ADTRP: variants seen among roughly 807,000 people sequenced by gnomAD.
The protein encoded by ADTRP is androgen dependent TFPI regulating protein.
In ADTRP, 20 loss-of-function variants were observed where a neutral mutation model predicts 27.0. That is an observed-to-expected ratio of 0.74 (90% CI 0.52 to 1.08). ADTRP has a LOEUF of 1.08. Among genes scored for constraint, ADTRP ranks in the 50% least tolerant of loss-of-function variants. The pLI is 0.00. For missense variants in ADTRP, 251 were observed against 275.0 expected, an observed-to-expected ratio of 0.91 and a Z score of 0.62; for synonymous variants, 101 against 105.2, an observed-to-expected ratio of 0.96 and a Z score of 0.25.
intron 5 of ADTRP, among the ~76,000 whole-genome samples, chr6:11,718,138 C>T (rs549491930): frequency 6.6e-6 from 1 of 152,236 alleles, no homozygotes; most frequent in Admixed American, 6.5e-5. Context: ...CCCAGCGCCA[C>T]TTGGCCAGGC....
At chr6:11,774,607 A>G (rs1284890806) in intron 1 of ADTRP, among the ~76,000 whole-genome samples, 1 of 146,644 alleles carries the variant, frequency 6.8e-6, no homozygotes, top group Non-Finnish European at 1.5e-5. Context: ...GGGAAAGGTC[A>G]TGCTTCTGTT....
At chr6:11,723,960 G>T (rs963561430) in intron 4 of ADTRP, among the ~76,000 whole-genome samples, 67 of 152,146 alleles carry the variant, frequency 4.4e-4, no homozygotes, top group Middle Eastern at 3.4e-3. Context: ...CTAGGGAGGC[G>T]GAGGAAGAAG....
rs1263027976 is a variant in ADTRP at position 11,778,620 on chromosome 6, G to A, written c.140C>T (p.Thr47Met). Reference protein sequence around the residue: ...LANGARWKYMTLLNLLLQTIF... With the variant: ...LANGARWKYMMLLNLLLQTIF... ...ATATGGACTTACCAGATTAAGCAGC[G>A]TCATATATTTCCACCTTGCACCATT... is the stretch of plus-strand genomic sequence containing the variant. Residue 47 changes from threonine to methionine, a missense_variant, in exon 1 of 6, where the codon ACG becomes ATG. Transcript: ENST00000414691. The A allele has an allele frequency of 7.4e-6, 12 of 1,614,042 alleles. No individual in the cohort carries two copies. The highest frequency in any genetic ancestry group is 2.2e-5 in the East Asian group (1 of 44,894).
chr6:11,770,066 C>T (rs1561775318), intron 1 of ADTRP: 2 of 1,551,580 alleles, frequency 1.3e-6, no homozygotes, highest in Admixed American at 3.9e-5. Flanking sequence ...ATGTCAAACC[C>T]AGCAGTCCTG....
intron 3 of ADTRP, 73 bp from the exon 4 acceptor site, chr6:11,735,756 C>A: frequency 2.0e-6 from 2 of 1,000,792 alleles, no homozygotes; most frequent in East Asian, 2.5e-5. Flanking sequence ...ATTCTCTGTT[C>A]CCCTTCCAGT....
intron 3 of ADTRP, among the ~76,000 whole-genome samples, chr6:11,737,225 T>A (rs1306432795): frequency 6.6e-6 from 1 of 152,084 alleles, no homozygotes; most frequent in Non-Finnish European, 1.5e-5. Context: ...TATTTTGCGT[T>A]TTTTGTAGTT....
At chr6:11,745,308 A>C (rs1208972727) in intron 3 of ADTRP, among the ~76,000 whole-genome samples, 1 of 152,210 alleles carries the variant, frequency 6.6e-6, no homozygotes, top group Non-Finnish European at 1.5e-5. Context: ...AAATGCCTTC[A>C]TTCAATACCC....
chr6:11,732,244 G>C (rs929282385), intron 4 of ADTRP, among the ~76,000 whole-genome samples: 1 of 152,164 alleles, frequency 6.6e-6, no homozygotes, highest in Non-Finnish European at 1.5e-5. Context: ...ACATGGTTTC[G>C]GCGGTGAAAT....
chr6:11,749,760 A>G (rs1406953892), intron 3 of ADTRP, among the ~76,000 whole-genome samples: 2 of 152,152 alleles, frequency 1.3e-5, no homozygotes, highest in Non-Finnish European at 2.9e-5. Context: ...GAATATGATG[A>G]ATGATCAGAA....
intron 4 of ADTRP, among the ~76,000 whole-genome samples, chr6:11,726,282 T>C (rs1319842587): frequency 6.6e-6 from 1 of 152,300 alleles, no homozygotes; most frequent in East Asian, 1.9e-4. Context: ...GGTTTGTTTG[T>C]TCGTACCAAA....
intron 3 of ADTRP, among the ~76,000 whole-genome samples, chr6:11,759,923 A>G (rs1763344178): frequency 6.6e-6 from 1 of 152,024 alleles, no homozygotes; most frequent in Non-Finnish European, 1.5e-5. Context: ...AAGGAGGAGG[A>G]GGAAAGGGCT....
chr6:11,770,141 GC>G, intron 1 of ADTRP: 5 of 1,492,136 alleles, frequency 3.4e-6, no homozygotes. Flanking sequence ...TTCAGATAAA[GC>G]ATTGTGGGAG....
intron 4 of ADTRP, among the ~76,000 whole-genome samples, chr6:11,726,435 A>G (rs1236199754): frequency 6.6e-6 from 1 of 152,078 alleles, no homozygotes; most frequent in East Asian, 1.9e-4. Flanking sequence ...GATTTTTTCT[A>G]TGAGAATGGG....
chr6:11,761,191 A>T (rs1412545140), intron 3 of ADTRP, among the ~76,000 whole-genome samples: 3 of 152,188 alleles, frequency 2.0e-5, no homozygotes, highest in Non-Finnish European at 4.4e-5. Flanking sequence ...TCAGCTCATC[A>T]TAGAGGCATC....
chr6:11,741,999 T>C (rs1762734694), intron 3 of ADTRP, among the ~76,000 whole-genome samples: 1 of 125,378 alleles, frequency 8.0e-6, no homozygotes, highest in Admixed American at 7.7e-5. Context: ...CCTTAGCTTT[T>C]CCCTATTTTG....
Position 11,714,406 on chromosome 6 carries a change from GAAAAA to G in ADTRP, c.*67_*71del. The G allele has an allele frequency of 7.3e-7, 1 of 1,362,434 alleles. No individual in the cohort carries two copies. The highest frequency in any genetic ancestry group is 1.0e-6 in the Non-Finnish European group (1 of 1,002,040). The allele number at this position is 1,362,434 out of a possible 1,614,324, so 84.4% of individuals were successfully genotyped here. On this transcript the variant is annotated 3_prime_UTR_variant, in exon 6 of 6. Transcript: ENST00000414691. ...GTTCCTCCACCACCTCCCTCCACCA[GAAAAA>G]AAAAAAAAAGATGAGAAAAATCTCT...
At chr6:11,729,490 C>A (rs2294429) in intron 4 of ADTRP, among the ~76,000 whole-genome samples, 1 of 152,070 alleles carries the variant, frequency 6.6e-6, no homozygotes, top group Non-Finnish European at 1.5e-5. Context: ...GCTCCTTCCC[C>A]CTCCTGTCCC....
At chr6:11,730,308 A>C (rs569964185) in intron 4 of ADTRP, among the ~76,000 whole-genome samples, 1 of 152,238 alleles carries the variant, frequency 6.6e-6, no homozygotes, top group African/African-American at 2.4e-5. Flanking sequence ...ATCCCTGCTG[A>C]GTTGAGGTTA....
chr6:11,768,431 T>C, intron 1 of ADTRP, 48 bp from the exon 2 acceptor site: 1 of 1,604,538 alleles, frequency 6.2e-7, no homozygotes, highest in Non-Finnish European at 8.5e-7. Flanking sequence ...CTTTAATTAA[T>C]ACCTTCTTCA....
Sources: gnomAD v4.1 joint callset for allele counts (sites outside exome capture counted in the v4.1 genomes callset) on GRCh38, gnomAD v4.1.1 for gene constraint, MANE v1.5 for transcripts, NCBI Gene and HGNC (gene_info 2026-07-23, HGNC 2026-07-21) for gene names.